The following VASN variants were observed in gnomAD, a reference collection of about 807,000 sequenced individuals.
VASN encodes the protein protein slit-like 2.
Under a neutral mutation model 4.8 loss-of-function variants are expected in VASN, and 5 were observed. The observed-to-expected ratio is 1.03, with a 90% CI of 0.54 to 2.17. The LOEUF (loss-of-function observed/expected upper bound fraction) is 2.17. Ranked by LOEUF, VASN falls within the 30% of genes most tolerant of loss-of-function variation. The probability of loss-of-function intolerance (pLI) is 0.01; values close to 1 mark genes in which losing one functional copy is unlikely to be tolerated. For missense variants in VASN, 927 were observed against 948.8 expected (o/e 0.98, Z 0.30); for synonymous variants, 499 against 460.8 (o/e 1.08, Z -1.06).
At position 4,381,183 on chromosome 16, in the gene VASN, C is replaced by T. The variant is rs1358599605; in HGVS notation, c.306C>T (p.Leu102=). 1 of 1,612,108 alleles carries T rather than the reference C, an allele frequency of 6.2e-7. No individual in the cohort carries two copies. Among genetic ancestry groups the T allele is most frequent in the Admixed American group, 1.7e-5 (1 of 59,940 alleles). ...PSGVFQPLAN[L]SNLDLTANRL... is the part of the protein sequence containing the mutation. ...GGGTCTTCCAGCCACTCGCCAACCTCAGCAACCTGGACCTGACAGCCAACA... is the reference window on the plus strand; with the variant it reads ...GGGTCTTCCAGCCACTCGCCAACCTTAGCAACCTGGACCTGACAGCCAACA... Residue 102 remains leucine (L), a synonymous_variant, in exon 2 of 2, where the codon CTC becomes CTT. Coordinates refer to ENST00000304735, the MANE Select transcript of VASN (RefSeq NM_138440.3).
Position 4,382,864 on chromosome 16 carries a change from C to G in VASN, c.1987C>G (p.Leu663Val), listed in dbSNP as rs568978968. Residue 663 changes from leucine to valine, a missense_variant, in exon 2 of 2, where the codon CTC becomes GTC. Leu to Val is a conservative substitution (Grantham distance 32). Transcript: ENST00000304735. ...ACTCATGGGCTTCCCAGGGCCTGGC[C>G]TCCAGTCACCCCTCCACGCAAAGCC... ...VPLMGFPGPG[L>V]QSPLHAKPYI The G allele has an allele frequency of 2.6e-6, 4 of 1,567,928 alleles. No individual in the cohort carries two copies. Among genetic ancestry groups the G allele is most frequent in the Admixed American group, 3.8e-5 (2 of 53,178 alleles).
In VASN at chr16:4,380,935, G is replaced by A; in HGVS notation, c.58G>A (p.Gly20Arg). The A allele has an allele frequency of 4.4e-6, 7 of 1,590,178 alleles. No individual in the cohort carries two copies. The highest frequency in any genetic ancestry group is 6.0e-6 in the Non-Finnish European group (7 of 1,171,586). The change falls in exon 2 of 2, where the codon GGG (glycine) becomes AGG (arginine). Residue 20 changes from glycine to arginine, a missense_variant. Coordinates refer to ENST00000304735, the MANE Select transcript of VASN (RefSeq NM_138440.3). The part of the protein sequence containing the change: ...PLLLLLALGP[G>R]VQGCPSGCQC... The stretch of plus-strand genomic sequence containing the variant: ...GCTCCTGCTACTGGCCCTGGGGCCT[G>A]GGGTGCAGGGCTGCCCATCCGGCTG...
intron 1 of VASN, among the ~76,000 whole-genome samples, chr16:4,373,410 C>T (rs1365306581): frequency 6.6e-6 from 1 of 152,104 alleles, no homozygotes; most frequent in East Asian, 1.9e-4. Flanking sequence ...CCTGTGGGTC[C>T]GGAGGGTCAG....
Position 4,382,940 on chromosome 16 carries a change from A to G in VASN, c.*41A>G. 1 of 1,455,466 alleles carries G rather than the reference A, an allele frequency of 6.9e-7. No individual in the cohort carries two copies. 90.2% of individuals were successfully genotyped at this position (1,455,466 alleles called of 1,614,324 possible). A position where few individuals can be genotyped will look rare whatever the true frequency, so the allele number is the denominator to read the frequency against. ...GGCAGCTGGGGCCGGGCTCTCAGCC[A>G]GTGAGATGGCCAGCCCCCTCCTGCT... On this transcript the variant is annotated 3_prime_UTR_variant, in exon 2 of 2. Transcript: ENST00000304735.
At chr16:4,380,819 C>G (rs915516514) in intron 1 of VASN, 50 bp from the exon 2 acceptor site, 2 of 1,426,540 alleles carry the variant, frequency 1.4e-6, no homozygotes, top group African/African-American at 2.9e-5. Context: ...TGTCTGCCTT[C>G]TAGGCCCCTG....
chr16:4,380,362 TC>T (rs1233834860), intron 1 of VASN, among the ~76,000 whole-genome samples: 9 of 152,210 alleles, frequency 5.9e-5, no homozygotes, highest in Non-Finnish European at 1.3e-4. Flanking sequence ...CCATGTGAAG[TC>T]TTCCCGCTGC....
intron 1 of VASN, among the ~76,000 whole-genome samples, chr16:4,376,362 ACC>A (rs2054731025): frequency 6.6e-6 from 1 of 152,190 alleles, no homozygotes; most frequent in African/African-American, 2.4e-5. Context: ...GCCAGGCCTG[ACC>A]GGCCACACAG....
At chr16:4,378,969 G>C (rs935900720) in intron 1 of VASN, among the ~76,000 whole-genome samples, 2 of 152,060 alleles carry the variant, frequency 1.3e-5, no homozygotes, top group Non-Finnish European at 1.5e-5. Flanking sequence ...CCCAACCCCG[G>C]GGACAAGGGC....
At position 4,381,185 on chromosome 16, in the gene VASN, G is replaced by C. The variant is rs758566146; in HGVS notation, c.308G>C (p.Ser103Thr). ...SGVFQPLANL[S>T]NLDLTANRLH... ...GTCTTCCAGCCACTCGCCAACCTCA[G>C]CAACCTGGACCTGACAGCCAACAGG... Residue 103 changes from serine (S) to threonine (T), a missense_variant, in exon 2 of 2, where the codon AGC becomes ACC. By Grantham distance (58) the Ser-to-Thr change is moderately conservative (BLOSUM62 1). Coordinates refer to ENST00000304735, the MANE Select transcript of VASN (RefSeq NM_138440.3). 1 of 1,611,978 alleles carries C rather than the reference G, an allele frequency of 6.2e-7. No homozygotes were observed. Among genetic ancestry groups the C allele is most frequent in the African/African-American group, 1.3e-5 (1 of 74,928 alleles).
In VASN at chr16:4,381,483, G is replaced by C. The variant is rs201607529; in HGVS notation, c.606G>C (p.Leu202=). 6.3e-7 allele frequency: 1 copy of C among 1,585,600 alleles called. No individual in the cohort carries two copies. Among genetic ancestry groups the C allele is most frequent in the East Asian group, 2.3e-5 (1 of 42,872 alleles). Residue 202 remains leucine (L), a synonymous_variant, in exon 2 of 2, where the codon CTG becomes CTC. Coordinates refer to ENST00000304735, the MANE Select transcript of VASN (RefSeq NM_138440.3). The stretch of plus-strand genomic sequence containing the variant: ...TGGAGGCGCTGCGGCTGGCTGGTCT[G>C]GGGCTGCAGCAGCTGGACGAGGGGC... ...ANVEALRLAG[L]GLQQLDEGLF...
In VASN at chr16:4,383,009, C is replaced by G; in HGVS notation, c.*110C>G. ...TCAGTCCCAACCTCGGGGATGTGTG[C>G]AGACAGGGCTGTGTGACCACAGCTG... On this transcript the variant is annotated 3_prime_UTR_variant, in exon 2 of 2. Transcript: ENST00000304735. 8.3e-7 allele frequency: 1 copy of G among 1,211,770 alleles called. No homozygotes were observed. The highest frequency in any genetic ancestry group is 1.6e-5 in the African/African-American group (1 of 64,446). 75.1% of individuals were successfully genotyped at this position (1,211,770 alleles called of 1,614,324 possible).
At chr16:4,372,535 T>C (rs1322607036) in intron 1 of VASN, among the ~76,000 whole-genome samples, 1 of 152,126 alleles carries the variant, frequency 6.6e-6, no homozygotes, top group Non-Finnish European at 1.5e-5. Context: ...AGGTGGGGGA[T>C]GGACCTGTAC....
At chr16:4,374,668 C>T (rs1322987174) in intron 1 of VASN, among the ~76,000 whole-genome samples, 1 of 152,208 alleles carries the variant, frequency 6.6e-6, no homozygotes, top group African/African-American at 2.4e-5. Context: ...TGTTCTGCCT[C>T]CCTGAATCCA....
At chr16:4,374,598 G>A (rs547653946) in intron 1 of VASN, among the ~76,000 whole-genome samples, 8 of 152,262 alleles carry the variant, frequency 5.3e-5, no homozygotes, top group Admixed American at 2.6e-4. Flanking sequence ...CCTGGGCCCC[G>A]AGCCCGGCTG....
At chr16:4,379,456 C>A (rs892624601) in intron 1 of VASN, among the ~76,000 whole-genome samples, 1 of 152,032 alleles carries the variant, frequency 6.6e-6, no homozygotes, top group Non-Finnish European at 1.5e-5. Context: ...AGCCCCCGCC[C>A]CCAGGGCCAT....
rs117228336 is a variant in VASN at position 4,373,703 on chromosome 16, A to T, written c.-10+1710A>T. 2.7e-3 allele frequency among the ~76,000 whole-genome samples: 412 copies of T among 152,274 alleles called. 1 individual carries two copies. Among genetic ancestry groups the T allele is most frequent in the Non-Finnish European group, 4.6e-3 (315 of 67,984 alleles). On this transcript the variant is annotated intron_variant, in intron 1 of 1. Transcript: ENST00000304735. ...AGCTGGGACAAGTCCCAAGTACAGAAAATTAAGTCCTTGCCTGGGCTTATA... is the reference window on the plus strand; with the variant it reads ...AGCTGGGACAAGTCCCAAGTACAGATAATTAAGTCCTTGCCTGGGCTTATA...
rs928104912 is a variant in VASN, at chr16:4,383,106, C to T, written c.*207C>T. 5.1e-6 allele frequency: 3 copies of T among 583,728 alleles called. No homozygotes were observed. In the South Asian group the frequency reaches 8.6e-5, roughly 17 times the overall value. The allele number at this position is 583,728 out of a possible 1,614,324, so 36.2% of individuals were successfully genotyped here. On this transcript the variant is annotated 3_prime_UTR_variant, in exon 2 of 2. Coordinates refer to ENST00000304735, the MANE Select transcript of VASN (RefSeq NM_138440.3). ...TGGCCCAGCTGACGAGCCCTAACGT[C>T]CCCAGAACCGAGTGCCTATGAGGAC...
chr16:4,374,583 C>G (rs1015476171), intron 1 of VASN, among the ~76,000 whole-genome samples: 11 of 152,168 alleles, frequency 7.2e-5, no homozygotes, highest in African/African-American at 2.4e-4. Context: ...GGGGCCCCTG[C>G]TGGCCCTGGG....
At chr16:4,380,767 T>C (rs1313784518) in intron 1 of VASN, 102 bp from the exon 2 acceptor site, 2 of 1,281,960 alleles carry the variant, frequency 1.6e-6, no homozygotes, top group South Asian at 1.6e-5. Flanking sequence ...TCTCTTGCAT[T>C]TGGGGGCAGA....
Sources: allele counts gnomAD v4.1 joint callset (sites outside exome capture counted in the v4.1 genomes callset), GRCh38; gene constraint gnomAD v4.1.1; transcripts MANE v1.5; gene names NCBI Gene and HGNC (gene_info 2026-07-23, HGNC 2026-07-21).